COL13A1: variants seen among roughly 807,000 people sequenced by gnomAD.
COL13A1 encodes collagen type XIII alpha 1 chain.
A neutral mutation model predicts 130.9 loss-of-function variants in COL13A1; 89 were observed. That is an observed-to-expected ratio of 0.68 (90% CI 0.57 to 0.81). The LOEUF (loss-of-function observed/expected upper bound fraction) is 0.81. Among genes scored for constraint, COL13A1 ranks in the 30% least tolerant of loss-of-function variants. COL13A1 has a pLI of 0.00. For missense variants in COL13A1, 879 were observed against 934.6 expected, an observed-to-expected ratio of 0.94 and a Z score of 0.78; for synonymous variants, 402 against 341.6, an observed-to-expected ratio of 1.18 and a Z score of -1.95.
At position 69,952,977 on chromosome 10, in the gene COL13A1, T is replaced by G. The variant is rs375194169; in HGVS notation, c.2145+9T>G. ...ATGCCCCCTGCCCATTGGTATGTTT[T>G]TGTTTATCACTTGCATTGTTCTGGT... On this transcript the variant is annotated intron_variant, in intron 39 of 40. Transcript: ENST00000645393. 3 of 1,513,370 alleles carry G rather than the reference T, an allele frequency of 2.0e-6. No homozygotes were observed. The African/African-American group carries it at 4.3e-5, about 22-fold the overall frequency. The allele number at this position is 1,513,370 out of a possible 1,614,324, so 93.7% of individuals were successfully genotyped here.
intron 1 of COL13A1, among the ~76,000 whole-genome samples, chr10:69,811,475 A>G: frequency 6.6e-6 from 1 of 152,148 alleles, no homozygotes; most frequent in East Asian, 1.9e-4. Flanking sequence ...TTAAAGGGGC[A>G]TTTGCCAGGG....
chr10:69,838,215 T>C (rs1279629870), intron 2 of COL13A1, among the ~76,000 whole-genome samples: 4 of 152,216 alleles, frequency 2.6e-5, no homozygotes, highest in Admixed American at 2.0e-4. Flanking sequence ...TATACAGGCC[T>C]AGACAGGATC....
intron 13 of COL13A1, among the ~76,000 whole-genome samples, chr10:69,896,348 C>G (rs1281836489): frequency 6.6e-6 from 1 of 152,140 alleles, no homozygotes; most frequent in Non-Finnish European, 1.5e-5. Flanking sequence ...GAGCAAGATA[C>G]GCACAGCTTC....
intron 7 of COL13A1, among the ~76,000 whole-genome samples, chr10:69,884,339 T>G (rs1250814420): frequency 6.6e-6 from 1 of 152,174 alleles, no homozygotes; most frequent in Non-Finnish European, 1.5e-5. Flanking sequence ...GGCAGGGCTC[T>G]CCTCTCCACC....
chr10:69,901,050 G>A (rs1168608631), intron 14 of COL13A1, among the ~76,000 whole-genome samples: 1 of 152,216 alleles, frequency 6.6e-6, no homozygotes, highest in East Asian at 1.9e-4. Context: ...CGGGACCCAA[G>A]CAGCTGAATC....
intron 21 of COL13A1, among the ~76,000 whole-genome samples, 154 bp from the exon 22 acceptor site, chr10:69,921,728 G>A (rs569214931): frequency 4.6e-5 from 7 of 152,328 alleles, no homozygotes; most frequent in East Asian, 1.9e-4. Context: ...GATGGGGGCC[G>A]GGAGGAAGTG....
At chr10:69,853,778 G>A (rs1455908211) in intron 2 of COL13A1, among the ~76,000 whole-genome samples, 8 of 152,166 alleles carry the variant, frequency 5.3e-5, no homozygotes, top group African/African-American at 1.4e-4. Context: ...TGTCTGCCTT[G>A]TCATGGTAAG....
At chr10:69,810,525 C>G (rs1051421027) in intron 1 of COL13A1, among the ~76,000 whole-genome samples, 1 of 152,162 alleles carries the variant, frequency 6.6e-6, no homozygotes, top group Non-Finnish European at 1.5e-5. Flanking sequence ...TCCGTGTGCA[C>G]TGGGAGGTTT....
intron 2 of COL13A1, among the ~76,000 whole-genome samples, chr10:69,846,707 G>A (rs1036282084): frequency 6.6e-6 from 1 of 152,204 alleles, no homozygotes; most frequent in African/African-American, 2.4e-5. Context: ...CTCCCAATAG[G>A]CGCCTCCTTA....
chr10:69,824,640 C>A (rs543136929), intron 2 of COL13A1, among the ~76,000 whole-genome samples: 2 of 152,250 alleles, frequency 1.3e-5, no homozygotes, highest in East Asian at 3.9e-4. Context: ...GAGGAGGAAA[C>A]ACCATGGGGA....
intron 1 of COL13A1, among the ~76,000 whole-genome samples, chr10:69,819,555 A>C (rs949571171): frequency 1.3e-5 from 2 of 152,164 alleles, no homozygotes; most frequent in Non-Finnish European, 2.9e-5. Flanking sequence ...CCAGGTCTGC[A>C]TTCCTCCTGT....
chr10:69,882,032 A>G (rs2060191542), intron 7 of COL13A1, among the ~76,000 whole-genome samples: 1 of 152,158 alleles, frequency 6.6e-6, no homozygotes, highest in African/African-American at 2.4e-5. Flanking sequence ...GGCTGCCCCG[A>G]TGGGCTTCAA....
At chr10:69,951,157 TC>T in intron 38 of COL13A1, among the ~76,000 whole-genome samples, 1 of 151,484 alleles carries the variant, frequency 6.6e-6, no homozygotes, top group South Asian at 2.1e-4. Context: ...CCAAAAATAT[TC>T]TTATCCTCTG....
At chr10:69,859,552 G>A (rs1015013452) in intron 2 of COL13A1, among the ~76,000 whole-genome samples, 12 of 152,252 alleles carry the variant, frequency 7.9e-5, no homozygotes, top group African/African-American at 2.7e-4. Flanking sequence ...GAACACTGGC[G>A]AGATCCGGTG....
chr10:69,875,001 G>C, intron 4 of COL13A1, 127 bp from the exon 5 acceptor site: 2 of 1,069,534 alleles, frequency 1.9e-6, no homozygotes, highest in Non-Finnish European at 2.8e-6. Context: ...CATCATACGG[G>C]ATGTCGTCCC....
At chr10:69,811,764 C>T (rs1014779839) in intron 1 of COL13A1, among the ~76,000 whole-genome samples, 23 of 151,524 alleles carry the variant, frequency 1.5e-4, no homozygotes, top group African/African-American at 5.3e-4. Flanking sequence ...CTCTTAATGT[C>T]GTCAGAGGCC....
At chr10:69,880,442 G>T in intron 6 of COL13A1, 61 bp from the exon 7 acceptor site, 1 of 971,162 alleles carries the variant, frequency 1.0e-6, no homozygotes, top group Non-Finnish European at 1.7e-6. Context: ...TCTCTTTCCC[G>T]CTCCTCTTCT....
chr10:69,914,359 A>G (rs1417021332), intron 17 of COL13A1, among the ~76,000 whole-genome samples: 5 of 141,556 alleles, frequency 3.5e-5, no homozygotes, highest in African/African-American at 1.3e-4. Context: ...CTCCTTCCAA[A>G]GGGCTGTGCA....
intron 1 of COL13A1, among the ~76,000 whole-genome samples, chr10:69,804,487 A>G (rs558726189): frequency 2.0e-4 from 30 of 151,906 alleles, no homozygotes; most frequent in Non-Finnish European, 3.7e-4. Flanking sequence ...ACTGAATACA[A>G]TCTTTTCAAC....
Sources: allele counts gnomAD v4.1 joint callset (sites outside exome capture counted in the v4.1 genomes callset), GRCh38; gene constraint gnomAD v4.1.1; transcripts MANE v1.5; gene names NCBI Gene and HGNC (gene_info 2026-07-23, HGNC 2026-07-21).